Variants in OPRM1 observed in about 807,000 individuals in gnomAD.
OPRM1 encodes the protein opioid receptor mu 1, also known as mu-type opioid receptor.
OPRM1 carries 27 observed loss-of-function variants against 31.8 expected under a neutral mutation model. The ratio of observed to expected loss-of-function variants is 0.85; its 90% confidence interval spans 0.63 to 1.17. OPRM1 has a LOEUF of 1.17. OPRM1 is among the 50% of genes most tolerant of loss of function. The probability of loss-of-function intolerance (pLI) is 0.00; values close to 1 mark genes in which losing one functional copy is unlikely to be tolerated. For synonymous variants in OPRM1, 196 were observed against 189.9 expected, an observed-to-expected ratio of 1.03 and a Z score of -0.26; for missense variants, 536 against 511.1, an observed-to-expected ratio of 1.05 and a Z score of -0.47.
chr6:154,175,138 C>A (rs1210103245), intron 3 of OPRM1, among the ~76,000 whole-genome samples: 3 of 152,158 alleles, frequency 2.0e-5, no homozygotes, highest in African/African-American at 7.2e-5. Flanking sequence ...AACAAAGACA[C>A]AACGTACCAG....
chr6:154,182,772 A>G (rs1235351783), intron 3 of OPRM1, among the ~76,000 whole-genome samples: 1 of 152,184 alleles, frequency 6.6e-6, no homozygotes, highest in African/African-American at 2.4e-5. Context: ...CTGTGGCACC[A>G]TAACCCGCTG....
chr6:154,110,770 C>G (rs895821872), intron 3 of OPRM1, among the ~76,000 whole-genome samples: 2 of 151,340 alleles, frequency 1.3e-5, no homozygotes, highest in African/African-American at 4.9e-5. Flanking sequence ...ACCTGTAGTC[C>G]CAGCTACTCG....
chr6:154,163,383 G>C (rs1428363967), intron 3 of OPRM1, among the ~76,000 whole-genome samples: 1 of 152,112 alleles, frequency 6.6e-6, no homozygotes, highest in Non-Finnish European at 1.5e-5. Flanking sequence ...TCCTTTTTCA[G>C]ATTTTACACA....
intron 1 of OPRM1, among the ~76,000 whole-genome samples, chr6:154,012,554 A>T (rs575362766): frequency 6.6e-6 from 1 of 152,138 alleles, no homozygotes; most frequent in Non-Finnish European, 1.5e-5. Flanking sequence ...TCTTAAACTC[A>T]AAGGTAGGAT....
chr6:154,152,045 C>T (rs369442177), intron 3 of OPRM1, among the ~76,000 whole-genome samples: 9 of 151,190 alleles, frequency 6.0e-5, no homozygotes, highest in Non-Finnish European at 1.2e-4. Context: ...GGTATGGTGG[C>T]GCAGGCCTGT....
intron 3 of OPRM1, among the ~76,000 whole-genome samples, chr6:154,171,261 T>A (rs572131659): frequency 8.5e-5 from 13 of 152,340 alleles, no homozygotes; most frequent in African/African-American, 3.1e-4. Flanking sequence ...GGCATTTGCA[T>A]GTGACAGAAT....
intron 3 of OPRM1, among the ~76,000 whole-genome samples, chr6:154,190,480 A>G (rs1583752083): frequency 6.6e-6 from 1 of 152,206 alleles, no homozygotes; most frequent in African/African-American, 2.4e-5. Flanking sequence ...ACCTACTAGC[A>G]TGGCGAAAAT....
exon 1 of OPRM1, chr6:154,011,006 A>G (rs1332544890): frequency 7.7e-7 from 1 of 1,290,916 alleles, no homozygotes; most frequent in Non-Finnish European, 1.0e-6. Flanking sequence ...ATGCTGAAAT[A>G]GCATGGTCCA....
At position 154,126,882 on chromosome 6, in the gene OPRM1, C is replaced by T. The variant is rs751957436; in HGVS notation, c.*8161C>T. On this transcript the variant is annotated 3_prime_UTR_variant, in exon 4 of 4. Transcript: ENST00000330432. ...ATTCCAGCACTTTGGGAGGCCGAGGCGGGCGGAACACAAGGTCAGGAGATC... is the reference window on the plus strand; with the variant it reads ...ATTCCAGCACTTTGGGAGGCCGAGGTGGGCGGAACACAAGGTCAGGAGATC... Among the ~76,000 whole-genome samples the T allele has an allele frequency of 1.6e-4, 25 of 152,098 alleles. No homozygotes were observed. Among genetic ancestry groups the T allele is most frequent in the Admixed American group, 3.3e-4 (5 of 15,270 alleles).
intron 3 of OPRM1, among the ~76,000 whole-genome samples, chr6:154,148,002 C>T (rs552586496): frequency 6.6e-6 from 1 of 152,336 alleles, no homozygotes; most frequent in South Asian, 2.1e-4. Flanking sequence ...ATTCTCCATT[C>T]TCATAAGATG....
intron 3 of OPRM1, among the ~76,000 whole-genome samples, chr6:154,204,351 C>G (rs1777312851): frequency 6.6e-6 from 1 of 152,092 alleles, no homozygotes; most frequent in South Asian, 2.1e-4. Flanking sequence ...AGTCAAAGTA[C>G]ATGGAAACAA....
At position 154,110,886 on chromosome 6, in the gene OPRM1, C is replaced by CAAAAAAAA. The variant is rs374739553; in HGVS notation, c.1165-7781_1165-7774dup. Reference sequence around the variant, plus strand: ...TGGGCGACAAAGCGAGACTCCGTCTCAAAAAAAAAAAAAAAAAAAAAAAGA... The same window carrying CAAAAAAAA: ...TGGGCGACAAAGCGAGACTCCGTCTCAAAAAAAAAAAAAAAAAAAAAAAAAAAAAAAGA... On this transcript the variant is annotated intron_variant, in intron 3 of 3. Transcript: ENST00000330432. 5.6e-3 allele frequency among the ~76,000 whole-genome samples: 356 copies of CAAAAAAAA among 63,150 alleles called. 20 individuals carry two copies. The highest frequency in any genetic ancestry group is 0.014 in the East Asian group (22 of 1,624). 41.4% of individuals were successfully genotyped at this position (63,150 alleles called of 152,430 possible). A position where few individuals can be genotyped will look rare whatever the true frequency, so the allele number is the denominator to read the frequency against.
intron 3 of OPRM1, among the ~76,000 whole-genome samples, chr6:154,167,086 T>G (rs548680921): frequency 1.2e-4 from 18 of 152,350 alleles, no homozygotes; most frequent in African/African-American, 4.1e-4. Flanking sequence ...CTGACATTTC[T>G]TCCTGGAAAA....
chr6:154,023,835 A>T (rs1469100142), intron 1 of OPRM1, among the ~76,000 whole-genome samples: 1 of 152,038 alleles, frequency 6.6e-6, no homozygotes, highest in Non-Finnish European at 1.5e-5. Context: ...CATTCTGTTG[A>T]TACTATGTAT....
At chr6:154,149,844 C>T (rs1798453138) in intron 3 of OPRM1, among the ~76,000 whole-genome samples, 1 of 152,094 alleles carries the variant, frequency 6.6e-6, no homozygotes, top group African/African-American at 2.4e-5. Context: ...TGCCATCTGG[C>T]CTCTACTATT....
intron 3 of OPRM1, among the ~76,000 whole-genome samples, chr6:154,219,400 G>A (rs1478124735): frequency 6.6e-6 from 1 of 152,152 alleles, no homozygotes; most frequent in Non-Finnish European, 1.5e-5. Context: ...GGAGCTACAA[G>A]GCACTTTTAA....
At chr6:154,205,687 G>A (rs1777435195) in intron 3 of OPRM1, among the ~76,000 whole-genome samples, 1 of 152,212 alleles carries the variant, frequency 6.6e-6, no homozygotes, top group Admixed American at 6.5e-5. Context: ...ATATGCTGCT[G>A]AATTTGAGCG....
At chr6:154,181,258 G>C (rs528365297) in intron 3 of OPRM1, among the ~76,000 whole-genome samples, 2 of 152,286 alleles carry the variant, frequency 1.3e-5, no homozygotes, top group South Asian at 2.1e-4. Context: ...TATAATTTGA[G>C]AGAGAAATCT....
intron 3 of OPRM1, among the ~76,000 whole-genome samples, chr6:154,149,492 A>G (rs1562509011): frequency 1.3e-5 from 2 of 152,122 alleles, no homozygotes; most frequent in Admixed American, 6.6e-5. Context: ...CGTCTTCCTC[A>G]TGAGAAACAG....
Sources: gnomAD v4.1 joint callset for allele counts (sites outside exome capture counted in the v4.1 genomes callset) on GRCh38, gnomAD v4.1.1 for gene constraint, MANE v1.5 for transcripts, NCBI Gene and HGNC (gene_info 2026-07-23, HGNC 2026-07-21) for gene names.